The following IL17RA variants were observed in gnomAD, a reference collection of about 807,000 sequenced individuals.
The protein encoded by IL17RA is interleukin 17 receptor A.
IL17RA carries 34 observed loss-of-function variants against 50.4 expected under a neutral mutation model. The ratio of observed to expected loss-of-function variants is 0.67; its 90% CI spans 0.51 to 0.90. The LOEUF is 0.90. Among genes scored for constraint, IL17RA ranks in the 40% least tolerant of loss-of-function variants. The probability of loss-of-function intolerance (pLI) is 0.00; values close to 1 mark genes in which losing one functional copy is unlikely to be tolerated. For missense variants in IL17RA, 1,276 were observed against 1,169.8 expected (o/e 1.09, Z -1.32); for synonymous variants, 585 against 510.4 (o/e 1.15, Z -1.97).
chr22:17,096,964 A>G, intron 1 of IL17RA, 98 bp from the exon 2 acceptor site: 2 of 1,075,536 alleles, frequency 1.9e-6, no homozygotes, highest in Admixed American at 1.7e-5. Context: ...GGCTGTGTAG[A>G]TGGCATTCCT....
chr22:17,103,444 T>C, intron 7 of IL17RA, 50 bp from the exon 8 acceptor site: 1 of 1,503,052 alleles, frequency 6.7e-7, no homozygotes, highest in Non-Finnish European at 9.2e-7. Flanking sequence ...CTTACCCAAC[T>C]AGCCTTACCC....
intron 1 of IL17RA, among the ~76,000 whole-genome samples, chr22:17,096,580 C>G (rs2123796715): frequency 6.6e-6 from 1 of 152,194 alleles, no homozygotes; most frequent in East Asian, 1.9e-4. Flanking sequence ...TCATAAAATA[C>G]CATTCCTGTG....
chr22:17,090,054 G>A (rs892424943), intron 1 of IL17RA, among the ~76,000 whole-genome samples: 11 of 151,044 alleles, frequency 7.3e-5, no homozygotes, highest in East Asian at 1.9e-4. Flanking sequence ...ACGGAGTCTC[G>A]CTCTGTCACC....
intron 5 of IL17RA, among the ~76,000 whole-genome samples, chr22:17,100,866 T>C (rs1030508846): frequency 6.6e-6 from 1 of 152,098 alleles, no homozygotes; most frequent in Non-Finnish European, 1.5e-5. Context: ...CGTGGCTTGC[T>C]CTTCTCCTTC....
chr22:17,100,186 A>G lies in IL17RA; in HGVS notation c.424-169A>G, dbSNP rs147754326. Among the ~76,000 whole-genome samples, 2 of 151,836 alleles carry G rather than the reference A, an allele frequency of 1.3e-5. 1 individual carries two copies. Among genetic ancestry groups the G allele is most frequent in the Non-Finnish European group, 2.9e-5 (2 of 67,962 alleles). On this transcript the variant is annotated intron_variant, in intron 4 of 12. Transcript: ENST00000319363. ...ACAGGCAGAAAGGACCAGAGGAAACAAAAAACAAAGATACTGATTTCCCTG... is the reference window on the plus strand; with the variant it reads ...ACAGGCAGAAAGGACCAGAGGAAACGAAAAACAAAGATACTGATTTCCCTG...
Position 17,104,722 on chromosome 22 carries a change from G to A in IL17RA, c.847-4G>A, listed in dbSNP as rs369285103. ...AGCCCTTTTCCTGCCCTCTCTGCCCGCAGATCCAGCCCTTCTTCAGCAGCT... is the reference window on the plus strand; with the variant it reads ...AGCCCTTTTCCTGCCCTCTCTGCCCACAGATCCAGCCCTTCTTCAGCAGCT... On this transcript the variant is annotated splice_polypyrimidine_tract_variant and splice_region_variant and intron_variant, in intron 8 of 12. Transcript: ENST00000319363. 6.2e-6 allele frequency: 10 copies of A among 1,613,796 alleles called. No homozygotes were observed. The highest frequency in any genetic ancestry group is 3.3e-5 in the Admixed American group (2 of 59,990).
rs1342472049 is a variant in IL17RA, at chr22:17,085,165, T to C, written c.74T>C (p.Val25Ala). 3.9e-6 allele frequency: 6 copies of C among 1,522,808 alleles called. No individual in the cohort carries two copies. In the South Asian group the frequency reaches 7.3e-5, roughly 19 times the overall value. The allele number at this position is 1,522,808 out of a possible 1,614,324, so 94.3% of individuals were successfully genotyped here. The change falls in exon 1 of 13, where the codon GTG becomes GCG. Residue 25 changes from valine (V) to alanine (A), a missense_variant. Physicochemically the swap from Val to Ala is moderately conservative, Grantham distance 64 (BLOSUM62 0). Coordinates refer to ENST00000319363, the MANE Select transcript of IL17RA (RefSeq NM_014339.7). Reference protein sequence around the residue: ...LLGLLLLLLGVLAPGGASLRL... With the variant: ...LLGLLLLLLGALAPGGASLRL... ...GGGCTGCTCCTGCTGCTCCTGGGCG[T>C]GCTGGCCCCGGGTGGCGCCTCCCTG...
intron 1 of IL17RA, among the ~76,000 whole-genome samples, chr22:17,086,439 G>GCAAAGCAGGTCCCT (rs2061328502): frequency 6.6e-6 from 1 of 152,086 alleles, no homozygotes; most frequent in Non-Finnish European, 1.5e-5. Flanking sequence ...CCACTATTGG[G>GCAAAGCAGGTCCCT]CAAAGCAGGT....
chr22:17,107,600 C>T (rs1601348660), intron 11 of IL17RA, 127 bp from the exon 12 acceptor site: 5 of 800,998 alleles, frequency 6.2e-6, no homozygotes, highest in East Asian at 2.6e-5. Flanking sequence ...AGCACGGCCT[C>T]GCTGCTCAGT....
intron 5 of IL17RA, among the ~76,000 whole-genome samples, chr22:17,101,604 G>A (rs1369118420): frequency 1.3e-5 from 2 of 152,214 alleles, no homozygotes; most frequent in Admixed American, 6.5e-5. Flanking sequence ...TCTCGCTTCT[G>A]TTCCTAAAGT....
At chr22:17,098,655 G>A in intron 3 of IL17RA, 120 bp from the exon 4 acceptor site, 1 of 758,734 alleles carries the variant, frequency 1.3e-6, no homozygotes, top group South Asian at 1.5e-5. Context: ...GTGGAGAGTT[G>A]GGTAAGACGG....
In IL17RA at chr22:17,102,059, G is replaced by C; in HGVS notation, c.598+16G>C. On this transcript the variant is annotated intron_variant, in intron 6 of 12. Transcript: ENST00000319363. ...ATGAGCTCAGGTAACAGCTGGCCCG[G>C]GAGAGCTTTATTTGGATGCATACAC... 4 of 1,614,196 alleles carry C rather than the reference G, an allele frequency of 2.5e-6. No homozygotes were observed. Among genetic ancestry groups the C allele is most frequent in the South Asian group, 1.1e-5 (1 of 91,086 alleles).
intron 5 of IL17RA, among the ~76,000 whole-genome samples, chr22:17,101,522 A>C (rs1257174636): frequency 6.6e-6 from 1 of 152,208 alleles, no homozygotes; most frequent in African/African-American, 2.4e-5. Context: ...CTGTACCTCC[A>C]GTGCCAAGAA....
chr22:17,108,989 C>G lies in IL17RA; in HGVS notation c.1770C>G (p.Leu590=), dbSNP rs772091340. Residue 590 remains leucine (L), a synonymous_variant, in exon 13 of 13, where the codon CTC becomes CTG. Transcript: ENST00000319363. Reference sequence around the variant, plus strand: ...CCGACTGGTTCGAATGTGAGAACCTCTACTCAGCAGATGACCAGGATGCCC... The same window carrying G: ...CCGACTGGTTCGAATGTGAGAACCTGTACTCAGCAGATGACCAGGATGCCC... ...RCPDWFECEN[L]YSADDQDAPS... is the part of the protein sequence containing the mutation. The G allele has an allele frequency of 6.9e-6, 11 of 1,603,024 alleles. No individual in the cohort carries two copies. The highest frequency in any genetic ancestry group is 1.3e-5 in the African/African-American group (1 of 74,926).
At chr22:17,087,933 G>T (rs1350413753) in intron 1 of IL17RA, among the ~76,000 whole-genome samples, 2 of 152,194 alleles carry the variant, frequency 1.3e-5, no homozygotes, top group Non-Finnish European at 2.9e-5. Flanking sequence ...CAGCTGCTCA[G>T]TTTAACCCCT....
Position 17,115,606 on chromosome 22 carries a change from T to C in IL17RA, c.*5786T>C, listed in dbSNP as rs1374288357. The C allele has an allele frequency of 6.6e-6, 1 of 150,916 alleles. No homozygotes were observed. Among genetic ancestry groups the C allele is most frequent in the African/African-American group, 2.5e-5 (1 of 40,566 alleles). 9.3% of individuals were successfully genotyped at this position (150,916 alleles called of 1,614,324 possible). Reference sequence around the variant, plus strand: ...TGCTAAGAAAAAAAAAAAATCACTGTGTGTTTGTTTATTTTGGTGCAGGCC... The same window carrying C: ...TGCTAAGAAAAAAAAAAAATCACTGCGTGTTTGTTTATTTTGGTGCAGGCC... On this transcript the variant is annotated 3_prime_UTR_variant, in exon 13 of 13. Coordinates refer to ENST00000319363, the MANE Select transcript of IL17RA (RefSeq NM_014339.7).
intron 1 of IL17RA, among the ~76,000 whole-genome samples, chr22:17,094,691 C>CTCTCTA (rs1448096911): frequency 4.5e-4 from 11 of 24,700 alleles, no homozygotes; most frequent in Non-Finnish European, 5.3e-4. Flanking sequence ...CTCTCTCTCT[C>CTCTCTA]TATATATATA....
chr22:17,085,086 C>G lies in IL17RA; in HGVS notation c.-6C>G, dbSNP rs922730539. The G allele has an allele frequency of 2.0e-5, 27 of 1,317,752 alleles. No individual in the cohort carries two copies. In the Admixed American group the frequency reaches 3.7e-4, roughly 18 times the overall value. 81.6% of individuals were successfully genotyped at this position (1,317,752 alleles called of 1,614,324 possible). ...GGGCCGAGCCCTCCGCGACGCCAGC[C>G]GGGCCATGGGGGCCGCACGCAGCCC... On this transcript the variant is annotated 5_prime_UTR_variant, in exon 1 of 13. Coordinates refer to ENST00000319363, the MANE Select transcript of IL17RA (RefSeq NM_014339.7).
chr22:17,092,679 T>A (rs2061352030), intron 1 of IL17RA, among the ~76,000 whole-genome samples: 1 of 152,116 alleles, frequency 6.6e-6, no homozygotes, highest in African/African-American at 2.4e-5. Context: ...CAGCTTGAGT[T>A]TTTCCACACT....
Sources: gnomAD v4.1 joint callset for allele counts (sites outside exome capture counted in the v4.1 genomes callset) on GRCh38, gnomAD v4.1.1 for gene constraint, MANE v1.5 for transcripts, NCBI Gene and HGNC (gene_info 2026-07-23, HGNC 2026-07-21) for gene names.